DISP1: variants seen among roughly 807,000 people sequenced by gnomAD.
DISP1 encodes the protein dispatched RND transporter family member 1.
A neutral mutation model predicts 37.3 loss-of-function variants in DISP1; 30 were observed. The ratio of observed to expected loss-of-function variants is 0.80; its 90% CI spans 0.60 to 1.09. DISP1 has a LOEUF of 1.09. Ranked by LOEUF, DISP1 falls within the 50% of genes least tolerant of loss-of-function variation. The pLI is 0.00. For missense variants in DISP1, 1,598 were observed against 1,879.5 expected (o/e 0.85, Z 2.77); for synonymous variants, 634 against 690.2 (o/e 0.92, Z 1.28).
At chr1:222,815,821 T>A (rs768702038) in intron 1 of DISP1, among the ~76,000 whole-genome samples, 1 of 152,182 alleles carries the variant, frequency 6.6e-6, no homozygotes, top group Non-Finnish European at 1.5e-5. Flanking sequence ...CTTGTCTTAT[T>A]TCCCTTGTCA....
At chr1:222,904,390 A>G (rs1671781451) in intron 1 of DISP1, among the ~76,000 whole-genome samples, 1 of 152,114 alleles carries the variant, frequency 6.6e-6, no homozygotes, top group South Asian at 2.1e-4. Flanking sequence ...TATTATTTAT[A>G]TAGAAACATA....
intron 3 of DISP1, among the ~76,000 whole-genome samples, chr1:222,981,250 A>G (rs989096685): frequency 1.3e-5 from 2 of 152,208 alleles, no homozygotes; most frequent in African/African-American, 4.8e-5. Flanking sequence ...GAGAACAGCA[A>G]ATTAGGTATC....
At chr1:222,866,323 T>G (rs1572376622) in intron 1 of DISP1, among the ~76,000 whole-genome samples, 1 of 149,662 alleles carries the variant, frequency 6.7e-6, no homozygotes, top group Admixed American at 6.7e-5. Context: ...CCGGGATAGT[T>G]TTGTTGTTGT....
At chr1:222,936,807 T>TC (rs1354811747) in intron 2 of DISP1, among the ~76,000 whole-genome samples, 2 of 48,126 alleles carry the variant, frequency 4.2e-5, no homozygotes, top group African/African-American at 1.5e-4. Flanking sequence ...ATATTATATA[T>TC]ATAAATTATA....
At chr1:222,918,098 T>C (rs1267995203) in intron 1 of DISP1, among the ~76,000 whole-genome samples, 1 of 152,158 alleles carries the variant, frequency 6.6e-6, no homozygotes, top group Non-Finnish European at 1.5e-5. Flanking sequence ...AAACGGCACC[T>C]CCCTGTTGGG....
At chr1:222,857,548 A>G (rs533497337) in intron 1 of DISP1, among the ~76,000 whole-genome samples, 2 of 152,322 alleles carry the variant, frequency 1.3e-5, no homozygotes, top group African/African-American at 4.8e-5. Context: ...TCTCAGCCCA[A>G]AAGCTTCTTA....
rs1676377066 is a variant in DISP1, at chr1:222,965,133, A to G, written c.510-17947A>G. Among the ~76,000 whole-genome samples the G allele has an allele frequency of 2.0e-5, 3 of 152,164 alleles. No homozygotes were observed. The South Asian group carries it at 6.2e-4, about 32-fold the overall frequency. On this transcript the variant is annotated intron_variant, in intron 3 of 8. Transcript: ENST00000675850. ...ACAATAGAAAATTTCGCTGCAGTAT[A>G]GCCTAGTGGTTAAGAATGTAGGCTC... is the stretch of plus-strand genomic sequence containing the variant.
At chr1:222,890,974 C>T (rs751316527) in intron 1 of DISP1, among the ~76,000 whole-genome samples, 33 of 152,010 alleles carry the variant, frequency 2.2e-4, no homozygotes, top group Non-Finnish European at 3.2e-4. Flanking sequence ...CTCATTTTAA[C>T]GAATTACATC....
At chr1:222,849,399 G>A (rs78546939) in intron 1 of DISP1, among the ~76,000 whole-genome samples, 12,674 of 152,016 alleles carry the variant, frequency 0.083, 579 homozygotes, top group Non-Finnish European at 0.11. Context: ...TCTAAACCTA[G>A]TATTTATACA....
intron 8 of DISP1, among the ~76,000 whole-genome samples, chr1:222,997,693 C>G (rs1008942158): frequency 1.3e-5 from 2 of 152,192 alleles, no homozygotes; most frequent in Non-Finnish European, 2.9e-5. Flanking sequence ...AAGGATAGGA[C>G]AGCTGTGAGT....
At chr1:222,943,481 CA>C in intron 3 of DISP1, 149 bp downstream of exon 3, 1 of 1,017,288 alleles carries the variant, frequency 9.8e-7, no homozygotes, top group East Asian at 2.6e-5. Flanking sequence ...GTGAAGCCAA[CA>C]AAAACGCAAA....
chr1:222,838,042 T>G (rs1196838943), intron 1 of DISP1, among the ~76,000 whole-genome samples: 1 of 152,174 alleles, frequency 6.6e-6, no homozygotes, highest in Non-Finnish European at 1.5e-5. Context: ...CAATAGTAAT[T>G]ATGCTGCCAT....
chr1:222,831,835 G>A (rs1483027550), intron 1 of DISP1, among the ~76,000 whole-genome samples: 1 of 152,130 alleles, frequency 6.6e-6, no homozygotes, highest in African/African-American at 2.4e-5. Context: ...AGATAAGATT[G>A]GGGCTAGGAC....
rs571883361 is a variant in DISP1, at chr1:222,875,281, C to A, written c.-158-53149C>A. Among the ~76,000 whole-genome samples the A allele has an allele frequency of 4.0e-5, 6 of 151,778 alleles. No homozygotes were observed. In the East Asian group the frequency reaches 1.2e-3, roughly 30 times the overall value. On this transcript the variant is annotated intron_variant, in intron 1 of 8. Transcript: ENST00000675850. ...TGAGCCCAAACCACGCCACTGTACT[C>A]CAGCCTGGGTAAGAGAGTGAGACTC...
At position 222,969,370 on chromosome 1, in the gene DISP1, C is replaced by CAA. The variant is rs71178518; in HGVS notation, c.510-13694_510-13693dup. 3.8e-3 allele frequency among the ~76,000 whole-genome samples: 113 copies of CAA among 29,880 alleles called. 6 individuals are homozygous for CAA. The highest frequency in any genetic ancestry group is 0.011 in the African/African-American group (109 of 9,820). 19.6% of individuals were successfully genotyped at this position (29,880 alleles called of 152,430 possible). On this transcript the variant is annotated intron_variant, in intron 3 of 8. Transcript: ENST00000675850. ...GGGCAAAAAGAGTGAAACTTGGTCT[C>CAA]AAAAAAAAAAAAAAAAATTACAAAG...
At chr1:222,823,326 C>T (rs1397535585) in intron 1 of DISP1, among the ~76,000 whole-genome samples, 2 of 152,116 alleles carry the variant, frequency 1.3e-5, no homozygotes, top group East Asian at 3.8e-4. Context: ...GGTGTACACA[C>T]AACACACACA....
intron 3 of DISP1, among the ~76,000 whole-genome samples, chr1:222,975,241 T>G (rs1249550094): frequency 6.6e-6 from 1 of 151,914 alleles, no homozygotes; most frequent in Non-Finnish European, 1.5e-5. Flanking sequence ...CCCAGGCCAG[T>G]CTTGAACTCC....
intron 3 of DISP1, among the ~76,000 whole-genome samples, chr1:222,958,228 A>T (rs550322072): frequency 6.0e-4 from 91 of 152,306 alleles, no homozygotes; most frequent in African/African-American, 2.0e-3. Flanking sequence ...CTTTTAACAC[A>T]TCTTCTCAGC....
At chr1:222,849,857 A>G (rs1443934574) in intron 1 of DISP1, among the ~76,000 whole-genome samples, 1 of 152,134 alleles carries the variant, frequency 6.6e-6, no homozygotes, top group Non-Finnish European at 1.5e-5. Context: ...AAGAAATAAA[A>G]TTTATTCTAG....
Sources: allele counts gnomAD v4.1 joint callset (sites outside exome capture counted in the v4.1 genomes callset), GRCh38; gene constraint gnomAD v4.1.1; transcripts MANE v1.5; gene names NCBI Gene and HGNC (gene_info 2026-07-23, HGNC 2026-07-21).